ASTN2: variants seen among roughly 807,000 people sequenced by gnomAD.
ASTN2 encodes astrotactin-2.
ASTN2 carries 54 observed loss-of-function variants against 139.8 expected under a neutral mutation model. That is an observed-to-expected ratio of 0.39 (90% confidence interval 0.31 to 0.48). ASTN2 has a LOEUF of 0.48. Ranked by LOEUF, ASTN2 falls within the 20% of genes least tolerant of loss-of-function variation. ASTN2 has a pLI of 0.95. For missense variants in ASTN2, 1,565 were observed against 1,725.1 expected, an observed-to-expected ratio of 0.91 and a Z score of 1.64; for synonymous variants, 756 against 719.5, an observed-to-expected ratio of 1.05 and a Z score of -0.81.
intron 13 of ASTN2, among the ~76,000 whole-genome samples, chr9:116,764,402 T>G (rs898480867): frequency 6.6e-6 from 1 of 152,142 alleles, no homozygotes; most frequent in Non-Finnish European, 1.5e-5. Context: ...TGGCTGAAGT[T>G]GTCATTGAGC....
intron 19 of ASTN2, among the ~76,000 whole-genome samples, chr9:116,590,793 T>A (rs2208563): frequency 0.043 from 6,508 of 152,240 alleles, 498 homozygotes; most frequent in African/African-American, 0.15. Flanking sequence ...GACTATCAGC[T>A]GCAGGATTGA....
intron 17 of ASTN2, among the ~76,000 whole-genome samples, chr9:116,622,816 A>G (rs1313033758): frequency 6.6e-6 from 1 of 152,256 alleles, no homozygotes; most frequent in East Asian, 1.9e-4. Context: ...TCACACAGTA[A>G]GAGCACTGTT....
At chr9:116,849,639 T>G (rs1361131158) in intron 11 of ASTN2, among the ~76,000 whole-genome samples, 2 of 152,218 alleles carry the variant, frequency 1.3e-5, no homozygotes, top group Non-Finnish European at 2.9e-5. Context: ...TGATACCAAA[T>G]AACTTGTGCC....
At chr9:116,990,020 T>C (rs1836805875) in intron 7 of ASTN2, among the ~76,000 whole-genome samples, 1 of 152,200 alleles carries the variant, frequency 6.6e-6, no homozygotes, top group Admixed American at 6.5e-5. Flanking sequence ...TCTTTCTCTA[T>C]GTCTCCTTTT....
intron 5 of ASTN2, among the ~76,000 whole-genome samples, chr9:117,077,699 G>C (rs2132719808): frequency 6.6e-6 from 1 of 152,270 alleles, no homozygotes; most frequent in South Asian, 2.1e-4. Flanking sequence ...AGTGAGCTAA[G>C]ATAGTGCCAC....
chr9:116,439,158 C>G lies in ASTN2; in HGVS notation c.3782+1451G>C, dbSNP rs184888321. Among the ~76,000 whole-genome samples the G allele has an allele frequency of 6.8e-3, 1,022 of 149,496 alleles. 11 individuals are homozygous for G. Among genetic ancestry groups the G allele is most frequent in the Middle Eastern group, 0.021 (6 of 290 alleles). The stretch of plus-strand genomic sequence containing the variant: ...TAAGGGTAGATGATGTTGGTTTTCC[C>G]TTTACAAGATGATGTTGTGTTTTCT... On this transcript the variant is annotated intron_variant, in intron 22 of 22. Coordinates refer to ENST00000313400, the MANE Select transcript of ASTN2 (RefSeq NM_001365068.1).
intron 10 of ASTN2, among the ~76,000 whole-genome samples, chr9:116,871,277 A>C (rs1446491846): frequency 6.6e-6 from 1 of 152,202 alleles, no homozygotes; most frequent in Admixed American, 6.5e-5. Flanking sequence ...AAATAAATAA[A>C]ATAAAATAAA....
In ASTN2 at chr9:116,734,956, TG is replaced by T. The variant is rs754929597; in HGVS notation, c.2397-1434del. ...TGTCTTTGTCATCTATATTATTCAT[TG>T]AATCTTTATAATTTGCTAGGATCTA... On this transcript the variant is annotated intron_variant, in intron 13 of 22. Coordinates refer to ENST00000313400, the MANE Select transcript of ASTN2 (RefSeq NM_001365068.1). 6.4e-4 allele frequency among the ~76,000 whole-genome samples: 98 copies of T among 152,356 alleles called. 1 individual carries two copies. Among genetic ancestry groups the T allele is most frequent in the East Asian group, 2.9e-3 (15 of 5,178 alleles).
At chr9:117,349,695 G>A (rs1829330323) in intron 1 of ASTN2, among the ~76,000 whole-genome samples, 1 of 152,100 alleles carries the variant, frequency 6.6e-6, no homozygotes, top group Non-Finnish European at 1.5e-5. Flanking sequence ...TAAGTAAAGG[G>A]AAAAATAATT....
At chr9:116,433,771 C>G (rs1355368570) in intron 22 of ASTN2, among the ~76,000 whole-genome samples, 1 of 152,280 alleles carries the variant, frequency 6.6e-6, no homozygotes, top group Admixed American at 6.5e-5. Flanking sequence ...CCAACAAAGT[C>G]AGAAGCTCAG....
chr9:116,851,666 C>T (rs188168450), intron 11 of ASTN2, among the ~76,000 whole-genome samples: 86 of 151,722 alleles, frequency 5.7e-4, no homozygotes, highest in Admixed American at 2.2e-3. Flanking sequence ...ATAATAATTT[C>T]ATAATTAAAA....
chr9:116,944,716 A>T (rs1232102733), intron 10 of ASTN2, among the ~76,000 whole-genome samples: 1 of 150,444 alleles, frequency 6.6e-6, no homozygotes, highest in East Asian at 2.0e-4. Flanking sequence ...AGATGCAAAG[A>T]TATGAATGTA....
intron 6 of ASTN2, among the ~76,000 whole-genome samples, chr9:117,029,522 G>A (rs1467676721): frequency 1.3e-5 from 2 of 152,058 alleles, no homozygotes; most frequent in Non-Finnish European, 2.9e-5. Context: ...ATCCCATTAT[G>A]AATCATTCAC....
At chr9:117,147,627 C>A (rs1047900040) in intron 3 of ASTN2, among the ~76,000 whole-genome samples, 2 of 152,146 alleles carry the variant, frequency 1.3e-5, no homozygotes, top group Non-Finnish European at 2.9e-5. Context: ...ATTTCTTGAG[C>A]ACCAACTTTT....
At chr9:117,011,770 T>C (rs1837544643) in intron 6 of ASTN2, among the ~76,000 whole-genome samples, 1 of 152,202 alleles carries the variant, frequency 6.6e-6, no homozygotes, top group South Asian at 2.1e-4. Flanking sequence ...AGAGAGAAAT[T>C]GACATGGTCA....
At chr9:117,296,497 G>T (rs1834741120) in intron 1 of ASTN2, among the ~76,000 whole-genome samples, 1 of 152,012 alleles carries the variant, frequency 6.6e-6, no homozygotes. Flanking sequence ...TCTGCTGATT[G>T]ATTTTCCAAT....
At chr9:116,583,471 C>G (rs925690728) in intron 19 of ASTN2, 1 of 152,032 alleles carries the variant, frequency 6.6e-6, no homozygotes, top group Non-Finnish European at 1.5e-5. Flanking sequence ...ATACCCAGCA[C>G]TTTGCCCAGT....
intron 19 of ASTN2, among the ~76,000 whole-genome samples, chr9:116,592,035 A>G (rs1854398237): frequency 6.6e-6 from 1 of 152,172 alleles, no homozygotes. Flanking sequence ...CAGTGGCTCA[A>G]GTCTCATATA....
At chr9:116,599,730 A>G (rs960796727) in intron 19 of ASTN2, among the ~76,000 whole-genome samples, 2 of 152,198 alleles carry the variant, frequency 1.3e-5, no homozygotes, top group Non-Finnish European at 1.5e-5. Flanking sequence ...GATTTGAGAC[A>G]AAATGAAGTA....
Sources: allele counts gnomAD v4.1 joint callset (sites outside exome capture counted in the v4.1 genomes callset), GRCh38; gene constraint gnomAD v4.1.1; transcripts MANE v1.5; gene names NCBI Gene and HGNC (gene_info 2026-07-23, HGNC 2026-07-21).